The following NBAS variants were observed in gnomAD, a reference collection of about 807,000 sequenced individuals.
NBAS encodes the protein NBAS subunit of NRZ tethering complex.
Under a neutral mutation model 302.5 loss-of-function variants are expected in NBAS, and 219 were observed. The ratio of observed to expected loss-of-function variants is 0.72; its 90% CI spans 0.65 to 0.81. NBAS has a LOEUF of 0.81. NBAS is among the 30% of genes least tolerant of loss of function. The pLI is 0.00. For synonymous variants in NBAS, 1,118 were observed against 1,021.6 expected, an observed-to-expected ratio of 1.09 and a Z score of -1.80; for missense variants, 2,932 against 2,841.6, an observed-to-expected ratio of 1.03 and a Z score of -0.72.
At chr2:15,375,233 C>A (rs1485222154) in intron 30 of NBAS, among the ~76,000 whole-genome samples, 2 of 152,176 alleles carry the variant, frequency 1.3e-5, no homozygotes, top group Non-Finnish European at 2.9e-5. Context: ...TGGTAATACA[C>A]AGTTCTGAGA....
chr2:15,114,979 T>C, the NBAS span, among the ~76,000 whole-genome samples: 1 of 152,208 alleles, frequency 6.6e-6, no homozygotes, highest in Non-Finnish European at 1.5e-5. Context: ...TACTTACATA[T>C]GTTTGTAATG....
chr2:15,118,424 C>T, the NBAS span, among the ~76,000 whole-genome samples: 1 of 152,176 alleles, frequency 6.6e-6, no homozygotes, highest in East Asian at 1.9e-4. Context: ...CCTCTGTGAG[C>T]CACCATGCCC....
At chr2:14,820,811 C>T in the NBAS span, among the ~76,000 whole-genome samples, 1 of 152,184 alleles carries the variant, frequency 6.6e-6, no homozygotes, top group Non-Finnish European at 1.5e-5. Flanking sequence ...CAGCTCCCAT[C>T]AGGAGGGTCA....
chr2:15,199,425 A>G lies in NBAS; in HGVS notation c.6433-9022T>C, dbSNP rs560433643. ...TTCTCTCTTTGCTAGAAAGTAGTAT[A>G]GTACCTATAAAATACATATGTTCCA... On this transcript the variant is annotated intron_variant, in intron 48 of 51. Transcript: ENST00000281513. Among the ~76,000 whole-genome samples the G allele has an allele frequency of 2.6e-5, 4 of 152,356 alleles. No homozygotes were observed. In the South Asian group the frequency reaches 8.3e-4, roughly 32 times the overall value.
At chr2:15,207,779 C>T (rs1666215252) in intron 48 of NBAS, among the ~76,000 whole-genome samples, 2 of 152,190 alleles carry the variant, frequency 1.3e-5, no homozygotes, top group Non-Finnish European at 2.9e-5. Context: ...TTGTAAGTTT[C>T]CTGGGGCCTC....
chr2:15,537,180 G>A (rs1275174580), intron 7 of NBAS, among the ~76,000 whole-genome samples: 1 of 152,182 alleles, frequency 6.6e-6, no homozygotes, highest in Non-Finnish European at 1.5e-5. Flanking sequence ...TGAGCTGAAG[G>A]CAACTGAGAA....
the NBAS span, among the ~76,000 whole-genome samples, chr2:14,851,524 C>T: frequency 1.4e-5 from 2 of 139,452 alleles, no homozygotes; most frequent in African/African-American, 5.9e-5. Context: ...GGTACCATTC[C>T]TTCTGAAACT....
chr2:15,189,203 C>T (rs183535820), intron 49 of NBAS, among the ~76,000 whole-genome samples: 1 of 152,302 alleles, frequency 6.6e-6, no homozygotes, highest in African/African-American at 2.4e-5. Flanking sequence ...AGCATGCCAT[C>T]GCTGCCACAA....
the NBAS span, among the ~76,000 whole-genome samples, chr2:15,082,137 G>GTA: frequency 6.6e-6 from 1 of 152,152 alleles, no homozygotes. Context: ...GGTGGTGGTG[G>GTA]TATTATTGGA....
the NBAS span, among the ~76,000 whole-genome samples, chr2:15,126,846 T>G: frequency 1.3e-5 from 2 of 152,194 alleles, no homozygotes; most frequent in Non-Finnish European, 2.9e-5. Flanking sequence ...TCATTTCATC[T>G]TTACAATATC....
chr2:15,340,503 T>A (rs183863012), intron 35 of NBAS, among the ~76,000 whole-genome samples: 1 of 152,116 alleles, frequency 6.6e-6, no homozygotes, highest in African/African-American at 2.4e-5. Context: ...CATATTGAGA[T>A]TGGGTTGTCT....
intron 35 of NBAS, among the ~76,000 whole-genome samples, chr2:15,342,937 T>C (rs948733500): frequency 1.3e-5 from 2 of 151,744 alleles, no homozygotes; most frequent in Non-Finnish European, 2.9e-5. Context: ...AACTCCTGTT[T>C]GAGTACACTA....
chr2:15,420,113 A>G (rs903834608), intron 23 of NBAS, among the ~76,000 whole-genome samples: 3 of 152,204 alleles, frequency 2.0e-5, no homozygotes, highest in Admixed American at 6.5e-5. Flanking sequence ...TAGTAATAAC[A>G]GTAGCACGCT....
At chr2:14,828,076 T>C in the NBAS span, among the ~76,000 whole-genome samples, 1 of 152,332 alleles carries the variant, frequency 6.6e-6, no homozygotes, top group African/African-American at 2.4e-5. Context: ...ATTCAGCATA[T>C]GTTTATTGGA....
chr2:14,902,459 T>C, the NBAS span, among the ~76,000 whole-genome samples: 1 of 152,178 alleles, frequency 6.6e-6, no homozygotes, highest in Non-Finnish European at 1.5e-5. Context: ...TGTCTAATAT[T>C]TCCTGTAAGA....
At chr2:14,960,506 C>A in the NBAS span, among the ~76,000 whole-genome samples, 1 of 152,162 alleles carries the variant, frequency 6.6e-6, no homozygotes, top group African/African-American at 2.4e-5. Flanking sequence ...CGCTGTGAGA[C>A]AGGTTTTATA....
At chr2:15,086,209 G>A in the NBAS span, among the ~76,000 whole-genome samples, 1 of 152,144 alleles carries the variant, frequency 6.6e-6, no homozygotes, top group African/African-American at 2.4e-5. Context: ...GCAGACATCA[G>A]GAAGACCAGT....
chr2:15,017,929 G>A, the NBAS span, among the ~76,000 whole-genome samples: 28 of 152,064 alleles, frequency 1.8e-4, no homozygotes, highest in Middle Eastern at 3.4e-3. Flanking sequence ...AGAAAATGTG[G>A]TATATATACA....
the NBAS span, among the ~76,000 whole-genome samples, chr2:15,131,594 T>A: frequency 0.27 from 41,400 of 152,186 alleles, 6,008 homozygotes; most frequent in African/African-American, 0.36. Context: ...CTCATTTTTT[T>A]AAAATTTTAT....
Sources: allele counts gnomAD v4.1 joint callset (sites outside exome capture counted in the v4.1 genomes callset), GRCh38; gene constraint gnomAD v4.1.1; transcripts MANE v1.5; gene names NCBI Gene and HGNC (gene_info 2026-07-23, HGNC 2026-07-21).